The following IL37 variants were observed in gnomAD, a reference collection of about 807,000 sequenced individuals.
IL37 encodes interleukin-37.
Under a neutral mutation model 15.4 loss-of-function variants are expected in IL37, and 15 were observed. The ratio of observed to expected loss-of-function variants is 0.98; its 90% CI spans 0.65 to 1.50. The LOEUF is 1.50. Among genes scored for constraint, IL37 ranks in the 40% most tolerant of loss-of-function variants. IL37 has a pLI of 0.00. For synonymous variants in IL37, 98 were observed against 97.4 expected, an observed-to-expected ratio of 1.01 and a Z score of -0.03; for missense variants, 269 against 261.7, an observed-to-expected ratio of 1.03 and a Z score of -0.19.
At chr2:112,913,401 A>C (rs2708956) in intron 2 of IL37, among the ~76,000 whole-genome samples, 14,450 of 152,244 alleles carry the variant, frequency 0.095, 894 homozygotes, top group African/African-American at 0.16. Flanking sequence ...CCCTCCCAAC[A>C]TTCCCAAGTG....
At position 112,913,030 on chromosome 2, in the gene IL37, G is replaced by A; in HGVS notation, c.18G>A (p.Glu6=). MSFVG[E]NSGVKMGSED... Reference sequence around the variant, plus strand: ...CGTTGAAAATGTCCTTTGTGGGGGAGAACTCAGGAGTGAAAATGGGCTCTG... The same window carrying A: ...CGTTGAAAATGTCCTTTGTGGGGGAAAACTCAGGAGTGAAAATGGGCTCTG... The change falls in exon 2 of 6, where the codon GAG becomes GAA. Residue 6 remains glutamate (E), a synonymous_variant. Transcript: ENST00000263326. 3 of 1,579,226 alleles carry A rather than the reference G, an allele frequency of 1.9e-6. No homozygotes were observed. The highest frequency in any genetic ancestry group is 1.2e-5 in the South Asian group (1 of 84,540).
intron 3 of IL37, chr2:112,915,119 G>A (rs986281882): frequency 1.4e-6 from 2 of 1,396,804 alleles, no homozygotes; most frequent in African/African-American, 2.9e-5. Flanking sequence ...GAAAGATTTG[G>A]GGTCAAGGAT....
In IL37 at chr2:112,913,021, T is replaced by G. The variant is rs769466506; in HGVS notation, c.9T>G (p.Phe3Leu). 2.5e-6 allele frequency: 4 copies of G among 1,585,032 alleles called. No individual in the cohort carries two copies. In the East Asian group the frequency reaches 9.4e-5, roughly 37 times the overall value. Residue 3 changes from phenylalanine (F) to leucine (L), a missense_variant, in exon 2 of 6, where the codon TTT becomes TTG. By Grantham distance (22) the Phe-to-Leu change is conservative (BLOSUM62 0). Transcript: ENST00000263326. The stretch of plus-strand genomic sequence containing the variant: ...TAAACTCAACGTTGAAAATGTCCTT[T>G]GTGGGGGAGAACTCAGGAGTGAAAA... MS[F>L]VGENSGVKMG...
intron 4 of IL37, 81 bp from the exon 5 acceptor site, chr2:112,917,554 A>C (rs1683344553): frequency 6.6e-6 from 9 of 1,366,992 alleles, no homozygotes; most frequent in South Asian, 2.8e-5. Flanking sequence ...GGGACTGTGC[A>C]TCAGGCCTGA....
intron 1 of IL37, among the ~76,000 whole-genome samples, chr2:112,912,188 G>A (rs189772429): frequency 1.4e-4 from 21 of 152,128 alleles, no homozygotes; most frequent in African/African-American, 3.6e-4. Context: ...ATTTTTTATC[G>A]GTAAGATGGG....
At chr2:112,913,195 G>C in intron 2 of IL37, 101 bp downstream of exon 2, 1 of 687,016 alleles carries the variant, frequency 1.5e-6, no homozygotes, top group Non-Finnish European at 2.3e-6. Context: ...CTGCTGACTT[G>C]CACAGTAAGT....
intron 5 of IL37, among the ~76,000 whole-genome samples, chr2:112,918,087 G>T (rs1290163855): frequency 6.6e-6 from 1 of 152,190 alleles, no homozygotes; most frequent in Non-Finnish European, 1.5e-5. Flanking sequence ...CCTCCATGTG[G>T]CAAGCAACAC....
At chr2:112,917,287 A>T in intron 4 of IL37, 39 bp downstream of exon 4, 3 of 1,609,970 alleles carry the variant, frequency 1.9e-6, no homozygotes, top group Non-Finnish European at 2.5e-6. Context: ...GCCTCCACCT[A>T]GCAGGGGTAA....
chr2:112,911,308 G>C (rs906821217), intron 1 of IL37, among the ~76,000 whole-genome samples, 60 bp downstream of exon 1: 9 of 152,190 alleles, frequency 5.9e-5, no homozygotes, highest in Non-Finnish European at 1.3e-4. Flanking sequence ...AAGTAGAGTA[G>C]CATCTGGCCA....
At position 112,917,217 on chromosome 2, in the gene IL37, A is replaced by G; in HGVS notation, c.234A>G (p.Ile78Met). ...KVLVLDSGNL[I>M]AVPDKNYIRP... ...TGGTCCTGGACTCTGGGAATCTCAT[A>G]GCAGTTCCAGATAAAAACTACATAC... Residue 78 changes from isoleucine to methionine, a missense_variant, in exon 4 of 6, where the codon ATA becomes ATG. Transcript: ENST00000263326. 1 of 1,614,118 alleles carries G rather than the reference A, an allele frequency of 6.2e-7. No homozygotes were observed. The highest frequency in any genetic ancestry group is 8.5e-7 in the Non-Finnish European group (1 of 1,179,984).
rs1316349128 is a variant in IL37, at chr2:112,911,248, G to C, written c.-51G>C. Among the ~76,000 whole-genome samples, 1 of 152,228 alleles carries C rather than the reference G, an allele frequency of 6.6e-6. No homozygotes were observed. The highest frequency in any genetic ancestry group is 1.9e-4 in the East Asian group (1 of 5,202). Reference sequence around the variant, plus strand: ...ACAGACCACGAGGATCCCTGGCCCAGGTAGGTGGTCCTCCTGCACTGGCTT... The same window carrying C: ...ACAGACCACGAGGATCCCTGGCCCACGTAGGTGGTCCTCCTGCACTGGCTT... On this transcript the variant is annotated splice_region_variant and 5_prime_UTR_variant, in exon 1 of 6. Coordinates refer to ENST00000263326, the MANE Select transcript of IL37 (RefSeq NM_014439.4).
intron 5 of IL37, 150 bp downstream of exon 5, chr2:112,917,927 C>T: frequency 1.3e-6 from 1 of 797,122 alleles, no homozygotes; most frequent in Non-Finnish European, 2.0e-6. Flanking sequence ...AGAAGAGCCC[C>T]ATAACTTCTT....
At position 112,913,780 on chromosome 2, in the gene IL37, G is replaced by T. The variant is rs760798180; in HGVS notation, c.83-12G>T. 6.2e-7 allele frequency: 1 copy of T among 1,612,640 alleles called. No individual in the cohort carries two copies. The highest frequency in any genetic ancestry group is 8.5e-7 in the Non-Finnish European group (1 of 1,178,766). On this transcript the variant is annotated splice_polypyrimidine_tract_variant and intron_variant, in intron 2 of 5. Transcript: ENST00000263326. Reference sequence around the variant, plus strand: ...GAATTGCATATGCTAACCTCACTGCGTCTGACTGCAGACCCGGCTGGAAGC... The same window carrying T: ...GAATTGCATATGCTAACCTCACTGCTTCTGACTGCAGACCCGGCTGGAAGC...
In IL37 at chr2:112,913,039, A is replaced by G; in HGVS notation, c.27A>G (p.Gly9=). 4 of 1,577,468 alleles carry G rather than the reference A, an allele frequency of 2.5e-6. No homozygotes were observed. The highest frequency in any genetic ancestry group is 3.4e-6 in the Non-Finnish European group (4 of 1,166,512). MSFVGENS[G]VKMGSEDWEK... ...TGTCCTTTGTGGGGGAGAACTCAGG[A>G]GTGAAAATGGGCTCTGAGGACTGGG... The change falls in exon 2 of 6, where the codon GGA becomes GGG. Residue 9 remains glycine, a synonymous_variant. Transcript: ENST00000263326.
chr2:112,915,199 G>T (rs1396449071), intron 3 of IL37: 1 of 1,613,974 alleles, frequency 6.2e-7, no homozygotes, highest in African/African-American at 1.3e-5. Context: ...TCCTATGTCA[G>T]GCTGTGATAG....
intron 1 of IL37, among the ~76,000 whole-genome samples, chr2:112,912,619 A>T (rs1212160884): frequency 6.6e-6 from 1 of 151,282 alleles, no homozygotes; most frequent in African/African-American, 2.5e-5. Flanking sequence ...AACTTTATTT[A>T]AAAAAACAGT....
chr2:112,913,176 A>G, intron 2 of IL37, 82 bp downstream of exon 2: 1 of 880,352 alleles, frequency 1.1e-6, no homozygotes, highest in Non-Finnish European at 1.7e-6. Flanking sequence ...GCACAGACCC[A>G]GTTGTTTCCT....
chr2:112,917,313 G>C, intron 4 of IL37, 65 bp downstream of exon 4: 1 of 1,572,714 alleles, frequency 6.4e-7, no homozygotes, highest in Non-Finnish European at 8.7e-7. Flanking sequence ...CCTGCTAGGT[G>C]GGCTCAACTC....
chr2:112,917,830 C>T lies in IL37; in HGVS notation c.408+53C>T, dbSNP rs182796973. ...CCTTTGGCTACCCCAAAGTAAAAGG[C>T]CAAGATCCTCAATGCCTCTCGCTTT... is the stretch of plus-strand genomic sequence containing the variant. On this transcript the variant is annotated intron_variant, in intron 5 of 5. Coordinates refer to ENST00000263326, the MANE Select transcript of IL37 (RefSeq NM_014439.4). The T allele has an allele frequency of 2.5e-5, 39 of 1,587,232 alleles. No homozygotes were observed. The East Asian group carries it at 8.5e-4, about 35-fold the overall frequency.
Sources: allele counts gnomAD v4.1 joint callset (sites outside exome capture counted in the v4.1 genomes callset), GRCh38; gene constraint gnomAD v4.1.1; transcripts MANE v1.5; gene names NCBI Gene and HGNC (gene_info 2026-07-23, HGNC 2026-07-21).